The following C12orf42 variants were observed in gnomAD, a reference collection of about 807,000 sequenced individuals.
C12orf42 encodes uncharacterized protein C12orf42.
C12orf42 carries 25 observed loss-of-function variants against 21.6 expected under a neutral mutation model. The ratio of observed to expected loss-of-function variants is 1.16; its 90% CI spans 0.84 to 1.62. C12orf42 has a LOEUF of 1.62. Among genes scored for constraint, C12orf42 ranks in the 40% most tolerant of loss-of-function variants. The pLI is 0.00. For missense variants in C12orf42, 483 were observed against 459.3 expected (o/e 1.05, Z -0.47); for synonymous variants, 174 against 175.0 (o/e 0.99, Z 0.05).
At chr12:103,501,643 G>A in the C12orf42 span, among the ~76,000 whole-genome samples, 292 of 152,206 alleles carry the variant, frequency 1.9e-3, 2 homozygotes, top group Non-Finnish European at 3.1e-3. Flanking sequence ...TGTACATTGC[G>A]CAACTCTAGT....
chr12:103,165,524 C>G, the C12orf42 span, among the ~76,000 whole-genome samples: 661 of 152,276 alleles, frequency 4.3e-3, 1 homozygote, highest in Non-Finnish European at 7.5e-3. Context: ...CATATAGAAA[C>G]AGTGGCAGGT....
the C12orf42 span, among the ~76,000 whole-genome samples, chr12:103,217,969 A>T: frequency 2.0e-5 from 3 of 151,998 alleles, no homozygotes; most frequent in Admixed American, 1.3e-4. Flanking sequence ...ATATCTCATC[A>T]TCCCTTTTCA....
chr12:103,153,079 T>C, the C12orf42 span, among the ~76,000 whole-genome samples: 1 of 152,208 alleles, frequency 6.6e-6, no homozygotes, highest in Admixed American at 6.5e-5. Context: ...AGGGAAAGAA[T>C]GGTCTTTTCA....
At chr12:103,516,579 G>A in the C12orf42 span, among the ~76,000 whole-genome samples, 1 of 152,184 alleles carries the variant, frequency 6.6e-6, no homozygotes, top group Admixed American at 6.5e-5. Context: ...GCAGAAGAGA[G>A]AAGAGCAGGG....
At chr12:103,420,129 A>G (rs1182229932) in intron 2 of C12orf42, among the ~76,000 whole-genome samples, 2 of 152,246 alleles carry the variant, frequency 1.3e-5, no homozygotes, top group African/African-American at 4.8e-5. Flanking sequence ...ATACTTTTAC[A>G]TAGTTGTTTT....
At chr12:103,158,255 A>G in the C12orf42 span, among the ~76,000 whole-genome samples, 2 of 152,208 alleles carry the variant, frequency 1.3e-5, no homozygotes, top group Non-Finnish European at 2.9e-5. Context: ...TCCCAAGTCC[A>G]GGTAGATTTA....
chr12:103,524,664 A>G, the C12orf42 span, among the ~76,000 whole-genome samples: 2 of 152,328 alleles, frequency 1.3e-5, no homozygotes, highest in African/African-American at 4.8e-5. Context: ...ATCTGTCACA[A>G]TGCCCTGGGT....
the C12orf42 span, among the ~76,000 whole-genome samples, chr12:103,224,250 C>A: frequency 1.4e-5 from 2 of 147,122 alleles, no homozygotes; most frequent in African/African-American, 5.1e-5. Context: ...GGAAGGGAGG[C>A]GGCCTGAATA....
chr12:103,528,885 T>C, the C12orf42 span, among the ~76,000 whole-genome samples: 1 of 152,202 alleles, frequency 6.6e-6, no homozygotes, highest in African/African-American at 2.4e-5. Context: ...GGGCAAGTAT[T>C]GTCCATGTTT....
the C12orf42 span, among the ~76,000 whole-genome samples, chr12:103,181,176 C>T: frequency 6.6e-6 from 1 of 151,908 alleles, no homozygotes; most frequent in African/African-American, 2.4e-5. Flanking sequence ...GCAGGAGAAT[C>T]ATTTGAACCC....
chr12:103,366,641 G>C (rs1176563153), intron 4 of C12orf42, among the ~76,000 whole-genome samples: 4 of 151,910 alleles, frequency 2.6e-5, no homozygotes, highest in Non-Finnish European at 5.9e-5. Flanking sequence ...CCATCAAGAA[G>C]TGGGCTAGGG....
chr12:103,422,200 T>C (rs1191948933), intron 2 of C12orf42, among the ~76,000 whole-genome samples: 1 of 152,192 alleles, frequency 6.6e-6, no homozygotes, highest in Non-Finnish European at 1.5e-5. Flanking sequence ...GTAAAGGTCA[T>C]GACTCAAAAA....
intron 3 of C12orf42, among the ~76,000 whole-genome samples, chr12:103,378,478 C>T (rs1016507797): frequency 2.0e-5 from 3 of 152,268 alleles, no homozygotes; most frequent in Non-Finnish European, 4.4e-5. Flanking sequence ...GCCTCACTAT[C>T]CCCATCCAAG....
At chr12:103,407,104 G>A (rs1005307548) in intron 2 of C12orf42, among the ~76,000 whole-genome samples, 1 of 152,108 alleles carries the variant, frequency 6.6e-6, no homozygotes. Context: ...CTGAGTAAGT[G>A]GTGGAGTTGC....
chr12:103,142,146 T>C, the C12orf42 span, among the ~76,000 whole-genome samples: 2 of 152,228 alleles, frequency 1.3e-5, no homozygotes, highest in African/African-American at 4.8e-5. Context: ...ATTATCAAGT[T>C]TGAGTGACTA....
chr12:103,253,500 TCTC>T (rs1396149835), intron 10 of C12orf42, among the ~76,000 whole-genome samples: 1 of 152,152 alleles, frequency 6.6e-6, no homozygotes, highest in African/African-American at 2.4e-5. Context: ...GGTTTGTAGT[TCTC>T]CTTGAAGAGG....
At chr12:103,388,190 G>A (rs1412479722) in intron 3 of C12orf42, among the ~76,000 whole-genome samples, 2 of 152,186 alleles carry the variant, frequency 1.3e-5, no homozygotes, top group African/African-American at 4.8e-5. Flanking sequence ...ATAACTCTGA[G>A]TGCCATCTGC....
At chr12:103,219,341 T>C in the C12orf42 span, among the ~76,000 whole-genome samples, 1 of 152,142 alleles carries the variant, frequency 6.6e-6, no homozygotes, top group Admixed American at 6.5e-5. Flanking sequence ...ATTCAGGATA[T>C]AGGCATGGGC....
At chr12:103,545,919 T>A in the C12orf42 span, among the ~76,000 whole-genome samples, 1 of 152,238 alleles carries the variant, frequency 6.6e-6, no homozygotes, top group Non-Finnish European at 1.5e-5. Context: ...TGAACTTCAC[T>A]ATGGCTCAGA....
Sources: gnomAD v4.1 joint callset for allele counts (sites outside exome capture counted in the v4.1 genomes callset) on GRCh38, gnomAD v4.1.1 for gene constraint, MANE v1.5 for transcripts, NCBI Gene and HGNC (gene_info 2026-07-23, HGNC 2026-07-21) for gene names.